The following HIVEP1 variants were observed in gnomAD, a reference collection of about 807,000 sequenced individuals.
The protein encoded by HIVEP1 is HIVEP zinc finger 1.
A neutral mutation model predicts 180.0 loss-of-function variants in HIVEP1; 36 were observed. The observed-to-expected ratio is 0.20, with a 90% CI of 0.15 to 0.26. The LOEUF is 0.26. Among genes scored for constraint, HIVEP1 ranks in the 10% least tolerant of loss-of-function variants. HIVEP1 has a pLI of 1.00. For missense variants in HIVEP1, 3,143 were observed against 3,268.7 expected (o/e 0.96, Z 0.94); for synonymous variants, 1,239 against 1,239.0 (o/e 1.00, Z 0.00).
At chr6:12,118,729 T>C (rs1260131828) in intron 3 of HIVEP1, among the ~76,000 whole-genome samples, 3 of 152,164 alleles carry the variant, frequency 2.0e-5, no homozygotes, top group African/African-American at 7.2e-5. Flanking sequence ...ACTTTTTAAT[T>C]TTGTTGGTAA....
In HIVEP1 at chr6:12,125,664, C is replaced by G; in HGVS notation, c.5869C>G (p.Gln1957Glu). 1 of 1,614,168 alleles carries G rather than the reference C, an allele frequency of 6.2e-7. No homozygotes were observed. The highest frequency in any genetic ancestry group is 8.5e-7 in the Non-Finnish European group (1 of 1,180,010). ...AAGGCAGAAGTCGTTGCATTTGCCT[C>G]AGAAGGACCAGAAAACTTCAGCCTA... The part of the protein sequence containing the change: ...LLRQKSLHLP[Q>E]KDQKTSAYTD... The change falls in exon 4 of 9, where the codon CAG becomes GAG. Residue 1957 changes from glutamine to glutamate, a missense_variant. By Grantham distance (29) the Gln-to-Glu change is conservative (BLOSUM62 2). Coordinates refer to ENST00000379388, the MANE Select transcript of HIVEP1 (RefSeq NM_002114.4).
intron 2 of HIVEP1, among the ~76,000 whole-genome samples, chr6:12,018,016 C>A (rs1000185912): frequency 6.6e-6 from 1 of 152,208 alleles, no homozygotes; most frequent in African/African-American, 2.4e-5. Context: ...GAGCCCATGG[C>A]GTGGGGGGTG....
intron 7 of HIVEP1, among the ~76,000 whole-genome samples, chr6:12,153,571 CAAAAA>C (rs3070558): frequency 0.028 from 2,696 of 94,642 alleles, 86 homozygotes; most frequent in African/African-American, 0.095. Context: ...GTAAGAAATG[CAAAAA>C]AAAAAAAAAA....
At chr6:12,107,659 G>C (rs988143691) in intron 3 of HIVEP1, among the ~76,000 whole-genome samples, 1 of 152,208 alleles carries the variant, frequency 6.6e-6, no homozygotes, top group Non-Finnish European at 1.5e-5. Flanking sequence ...GCAGACCTTC[G>C]TGGTGAGTGT....
At position 12,124,160 on chromosome 6, in the gene HIVEP1, T is replaced by C; in HGVS notation, c.4365T>C (p.Ala1455=). 6.2e-7 allele frequency: 1 copy of C among 1,614,086 alleles called. No individual in the cohort carries two copies. The highest frequency in any genetic ancestry group is 8.5e-7 in the Non-Finnish European group (1 of 1,179,954). Reference sequence around the variant, plus strand: ...ACCCAACATCTTTCCAAAATACTGCTCTTCCCAGTGTGAATGCAGTGCCAT... The same window carrying C: ...ACCCAACATCTTTCCAAAATACTGCCCTTCCCAGTGTGAATGCAGTGCCAT... ...PVHPTSFQNT[A]LPSVNAVPYQ... The change falls in exon 4 of 9, where the codon GCT becomes GCC. Residue 1455 remains alanine (A), a synonymous_variant. Coordinates refer to ENST00000379388, the MANE Select transcript of HIVEP1 (RefSeq NM_002114.4).
At chr6:12,071,667 T>C (rs752405270) in intron 2 of HIVEP1, among the ~76,000 whole-genome samples, 7 of 152,334 alleles carry the variant, frequency 4.6e-5, no homozygotes, top group Non-Finnish European at 7.3e-5. Context: ...AGAAAATAGA[T>C]TGGGAGCAAA....
At chr6:12,131,068 T>G (rs139051290) in intron 6 of HIVEP1, 126 bp downstream of exon 6, 68 of 562,788 alleles carry the variant, frequency 1.2e-4, no homozygotes, top group Non-Finnish European at 1.8e-4. Flanking sequence ...AATTACATCT[T>G]GTCAATGTTG....
chr6:12,196,172 AAAT>A, the HIVEP1 span, among the ~76,000 whole-genome samples: 1 of 152,192 alleles, frequency 6.6e-6, no homozygotes, highest in African/African-American at 2.4e-5. Flanking sequence ...GACTTGGAGA[AAAT>A]AATAATATTC....
chr6:12,125,087 G>A lies in HIVEP1; in HGVS notation c.5292G>A (p.Arg1764=), dbSNP rs150065174. ...LDIAMEKHQK[R]AKDENGAVCA... is the part of the protein sequence containing the mutation. ...TTGCCATGGAAAAGCACCAGAAGCG[G>A]GCCAAAGATGAAAATGGAGCTGTTT... Residue 1764 remains arginine, a synonymous_variant, in exon 4 of 9, where the codon CGG becomes CGA. Coordinates refer to ENST00000379388, the MANE Select transcript of HIVEP1 (RefSeq NM_002114.4). 6.2e-7 allele frequency: 1 copy of A among 1,613,720 alleles called. No homozygotes were observed. The highest frequency in any genetic ancestry group is 8.5e-7 in the Non-Finnish European group (1 of 1,179,904).
intron 6 of HIVEP1, among the ~76,000 whole-genome samples, chr6:12,131,942 A>G (rs924971712): frequency 2.6e-5 from 4 of 152,090 alleles, no homozygotes; most frequent in Non-Finnish European, 5.9e-5. Context: ...TTTTTTGGCT[A>G]GTATTTATGG....
In HIVEP1 at chr6:12,122,773, C is replaced by T. The variant is rs2113521946; in HGVS notation, c.2978C>T (p.Ala993Val). 1 of 1,612,052 alleles carries T rather than the reference C, an allele frequency of 6.2e-7. No individual in the cohort carries two copies. Among genetic ancestry groups the T allele is most frequent in the East Asian group, 2.2e-5 (1 of 44,870 alleles). Residue 993 changes from alanine to valine, a missense_variant, in exon 4 of 9, where the codon GCC becomes GTC. Coordinates refer to ENST00000379388, the MANE Select transcript of HIVEP1 (RefSeq NM_002114.4). ...SELHGPKTKV[A>V]MREPEHSPVP... ...TTACATGGACCAAAAACAAAGGTAG[C>T]CATGAGAGAACCTGAGCACAGCCCT...
At chr6:12,166,106 T>C (rs1760693908), downstream of HIVEP1, among the ~76,000 whole-genome samples, 1 of 152,224 alleles carries the variant, frequency 6.6e-6, no homozygotes, top group African/African-American at 2.4e-5. Flanking sequence ...GCTCTAGGGA[T>C]TGCGTTGCCC....
At position 12,122,589 on chromosome 6, in the gene HIVEP1, G is replaced by A; in HGVS notation, c.2794G>A (p.Ala932Thr). Reference protein sequence around the residue: ...SHQGCHAAGEAMSVRSKALAQ... With the variant: ...SHQGCHAAGETMSVRSKALAQ... ...CCAAGGATGCCATGCTGCTGGTGAA[G>A]CCATGTCAGTGAGGAGCAAGGCACT... Residue 932 changes from alanine (A) to threonine (T), a missense_variant, in exon 4 of 9, where the codon GCC (alanine) becomes ACC (threonine). By Grantham distance (58) the Ala-to-Thr change is moderately conservative. Coordinates refer to ENST00000379388, the MANE Select transcript of HIVEP1 (RefSeq NM_002114.4). 6.2e-7 allele frequency: 1 copy of A among 1,614,204 alleles called. No homozygotes were observed. Among genetic ancestry groups the A allele is most frequent in the Non-Finnish European group, 8.5e-7 (1 of 1,180,034 alleles).
chr6:12,065,260 A>G (rs776225414), intron 2 of HIVEP1, among the ~76,000 whole-genome samples: 3 of 152,208 alleles, frequency 2.0e-5, no homozygotes, highest in Non-Finnish European at 4.4e-5. Flanking sequence ...ATAGGAGAAT[A>G]ACTATGATAG....
intron 3 of HIVEP1, among the ~76,000 whole-genome samples, chr6:12,101,356 CAG>C (rs1774101023): frequency 1.3e-5 from 2 of 152,184 alleles, no homozygotes; most frequent in African/African-American, 4.8e-5. Flanking sequence ...GTAATGATAA[CAG>C]TGTATTTTTG....
chr6:12,155,699 G>T (rs770945699), intron 7 of HIVEP1, among the ~76,000 whole-genome samples: 1 of 151,458 alleles, frequency 6.6e-6, no homozygotes, highest in Non-Finnish European at 1.5e-5. Context: ...TTGCTATTAC[G>T]AATGAACATA....
intron 2 of HIVEP1, chr6:12,037,848 C>T (rs755813061): frequency 2.4e-6 from 1 of 410,778 alleles, no homozygotes; most frequent in South Asian, 9.1e-5. Flanking sequence ...ATAGCTTGGA[C>T]TACAGGCACA....
the HIVEP1 span, among the ~76,000 whole-genome samples, chr6:12,205,974 C>T: frequency 4.6e-5 from 7 of 152,024 alleles, no homozygotes; most frequent in African/African-American, 7.2e-5. Flanking sequence ...GTATTGTGTC[C>T]GCCCCAAAAT....
intron 2 of HIVEP1, among the ~76,000 whole-genome samples, chr6:12,035,698 A>G (rs945156074): frequency 7.2e-5 from 11 of 152,220 alleles, no homozygotes; most frequent in African/African-American, 2.7e-4. Context: ...AACGGAGTGG[A>G]TGTTTGGAGG....
Sources: gnomAD v4.1 joint callset for allele counts (sites outside exome capture counted in the v4.1 genomes callset) on GRCh38, gnomAD v4.1.1 for gene constraint, MANE v1.5 for transcripts, NCBI Gene and HGNC (gene_info 2026-07-23, HGNC 2026-07-21) for gene names.